The following ZNF366 variants were observed in gnomAD, a reference collection of about 807,000 sequenced individuals.
The protein encoded by ZNF366 is zinc finger protein 366, also known as dendritic cell-specific transcript protein.
A neutral mutation model predicts 47.2 loss-of-function variants in ZNF366; 20 were observed. The observed-to-expected ratio is 0.42, with a 90% CI of 0.30 to 0.62. The LOEUF (loss-of-function observed/expected upper bound fraction) is 0.62. ZNF366 is among the 20% of genes least tolerant of loss of function. The pLI is 0.16. For synonymous variants in ZNF366, 421 were observed against 395.1 expected, an observed-to-expected ratio of 1.07 and a Z score of -0.78; for missense variants, 987 against 976.3, an observed-to-expected ratio of 1.01 and a Z score of -0.15.
intron 1 of ZNF366, 112 bp downstream of exon 1, chr5:72,507,139 C>G: frequency 8.7e-6 from 7 of 803,148 alleles, no homozygotes; most frequent in Non-Finnish European, 1.1e-5. Context: ...ATCACTTATA[C>G]CCTTTGGTTA....
chr5:72,461,098 G>A lies in ZNF366; in HGVS notation c.399C>T (p.Asn133=), dbSNP rs1169835715. ...KYDSQMIDLC[N]VGFQFYRSLE... is the part of the protein sequence containing the mutation. ...GGCTGCGGTAGAATTGGAAGCCCACGTTGCACAGGTCGATCATCTGAGAGT... is the reference window on the plus strand; with the variant it reads ...GGCTGCGGTAGAATTGGAAGCCCACATTGCACAGGTCGATCATCTGAGAGT... The change falls in exon 2 of 5, where the codon AAC becomes AAT. Residue 133 remains asparagine, a synonymous_variant. Transcript: ENST00000318442. 1.9e-6 allele frequency: 3 copies of A among 1,614,168 alleles called. No homozygotes were observed. Among genetic ancestry groups the A allele is most frequent in the East Asian group, 2.2e-5 (1 of 44,872 alleles).
In ZNF366 at chr5:72,442,514, T is replaced by A. The variant is rs903497605; in HGVS notation, c.*1242A>T. The A allele has an allele frequency of 6.6e-6, 1 of 152,122 alleles. No individual in the cohort carries two copies. 9.4% of individuals were successfully genotyped at this position (152,122 alleles called of 1,614,324 possible). ...AGTCCAGAGTCTTCTTTACTAATGATTTGCTGTCAACTATTCTAGTACCCC... is the reference window on the plus strand; with the variant it reads ...AGTCCAGAGTCTTCTTTACTAATGAATTGCTGTCAACTATTCTAGTACCCC... On this transcript the variant is annotated 3_prime_UTR_variant, in exon 5 of 5. Coordinates refer to ENST00000318442, the MANE Select transcript of ZNF366 (RefSeq NM_152625.3).
intron 3 of ZNF366, among the ~76,000 whole-genome samples, chr5:72,448,927 T>C (rs1743009267): frequency 1.3e-5 from 2 of 152,156 alleles, no homozygotes; most frequent in South Asian, 4.1e-4. Flanking sequence ...GTAAGTACTT[T>C]CCTCACTTTT....
chr5:72,448,356 C>T (rs1276248570), intron 3 of ZNF366, among the ~76,000 whole-genome samples: 1 of 152,194 alleles, frequency 6.6e-6, no homozygotes. Flanking sequence ...GGTTCTCCAA[C>T]TGCTTTTGGA....
intron 1 of ZNF366, among the ~76,000 whole-genome samples, chr5:72,501,163 T>G (rs1744203570): frequency 6.6e-6 from 1 of 152,150 alleles, no homozygotes; most frequent in South Asian, 2.1e-4. Context: ...TAGTAATGAC[T>G]CCTCCATAAT....
At chr5:72,456,339 C>A in intron 3 of ZNF366, 65 bp downstream of exon 3, 1 of 1,528,454 alleles carries the variant, frequency 6.5e-7, no homozygotes, top group Non-Finnish European at 8.9e-7. Flanking sequence ...AGAAGGCTCC[C>A]TGGGGACCCT....
intron 3 of ZNF366, among the ~76,000 whole-genome samples, chr5:72,448,369 A>G (rs1345655306): frequency 6.6e-6 from 1 of 152,208 alleles, no homozygotes; most frequent in Non-Finnish European, 1.5e-5. Flanking sequence ...CTTTTGGAAG[A>G]GGAGCAGAAC....
At chr5:72,484,105 T>C (rs147075074) in intron 1 of ZNF366, among the ~76,000 whole-genome samples, 314 of 152,350 alleles carry the variant, frequency 2.1e-3, no homozygotes, top group African/African-American at 7.3e-3. Flanking sequence ...TTATTTCATC[T>C]ATAAATATTT....
rs868490359 is a variant in ZNF366, at chr5:72,460,446, C to T, written c.1051G>A (p.Glu351Lys). Residue 351 changes from glutamate to lysine, a missense_variant, in exon 2 of 5, where the codon GAG becomes AAG. Coordinates refer to ENST00000318442, the MANE Select transcript of ZNF366 (RefSeq NM_152625.3). ...VCGRGFAYPS[E>K]LKAHEAKHAS... Reference sequence around the variant, plus strand: ...TGCTTGGCTTCGTGGGCCTTGAGCTCGCTGGGGTAGGCAAAGCCGCGGCCG... The same window carrying T: ...TGCTTGGCTTCGTGGGCCTTGAGCTTGCTGGGGTAGGCAAAGCCGCGGCCG... 6.2e-7 allele frequency: 1 copy of T among 1,614,106 alleles called. No homozygotes were observed. The highest frequency in any genetic ancestry group is 8.5e-7 in the Non-Finnish European group (1 of 1,180,004).
intron 1 of ZNF366, among the ~76,000 whole-genome samples, chr5:72,463,992 T>C (rs1743384625): frequency 6.6e-6 from 1 of 152,216 alleles, no homozygotes; most frequent in African/African-American, 2.4e-5. Context: ...AAATTTCTTT[T>C]AGTAGAAAGG....
At chr5:72,451,833 C>A (rs1227608436) in intron 3 of ZNF366, among the ~76,000 whole-genome samples, 1 of 152,240 alleles carries the variant, frequency 6.6e-6, no homozygotes, top group Non-Finnish European at 1.5e-5. Flanking sequence ...TTGGCTCCCC[C>A]ATCCTTAGTC....
In ZNF366 at chr5:72,443,818, C is replaced by T. The variant is rs771844515; in HGVS notation, c.2173G>A (p.Glu725Lys). 1.2e-6 allele frequency: 2 copies of T among 1,614,216 alleles called. No individual in the cohort carries two copies. The highest frequency in any genetic ancestry group is 2.2e-5 in the East Asian group (1 of 44,890). The part of the protein sequence containing the change: ...SDYLYFKHRD[E>K]SLKELLERKM... Reference sequence around the variant, plus strand: ...CTCTCCAGTAATTCTTTCAAACTCTCATCTCTGTGCTTGAAGTATAAGTAA... The same window carrying T: ...CTCTCCAGTAATTCTTTCAAACTCTTATCTCTGTGCTTGAAGTATAAGTAA... Residue 725 changes from glutamate (E) to lysine (K), a missense_variant, in exon 5 of 5, where the codon GAG (glutamate) becomes AAG (lysine). Glu to Lys is a moderately conservative substitution (Grantham distance 56). Coordinates refer to ENST00000318442, the MANE Select transcript of ZNF366 (RefSeq NM_152625.3).
chr5:72,472,294 A>G (rs114979810), intron 1 of ZNF366, among the ~76,000 whole-genome samples: 253 of 152,372 alleles, frequency 1.7e-3, no homozygotes, highest in African/African-American at 5.8e-3. Flanking sequence ...ATGAGAGAAC[A>G]AAAAGCAGAA....
At chr5:72,483,502 C>G (rs1039432198) in intron 1 of ZNF366, among the ~76,000 whole-genome samples, 1 of 152,146 alleles carries the variant, frequency 6.6e-6, no homozygotes, top group African/African-American at 2.4e-5. Context: ...TGGCATGTAG[C>G]TTCCACAATA....
intron 1 of ZNF366, among the ~76,000 whole-genome samples, chr5:72,482,309 A>G (rs575169940): frequency 6.7e-4 from 102 of 152,374 alleles, no homozygotes; most frequent in African/African-American, 2.4e-3. Flanking sequence ...ATCTGTGCTT[A>G]GGATAAACTT....
intron 3 of ZNF366, among the ~76,000 whole-genome samples, chr5:72,449,041 C>G (rs924936907): frequency 6.6e-6 from 1 of 152,080 alleles, no homozygotes; most frequent in African/African-American, 2.4e-5. Flanking sequence ...AAATGGTGAC[C>G]TAAGAGGGGA....
chr5:72,461,444 G>T lies in ZNF366; in HGVS notation c.53C>A (p.Ala18Asp), dbSNP rs773573338. The stretch of plus-strand genomic sequence containing the variant: ...GGGAAAGGAGGGGGTCTTCTTCACA[G>T]CCAAGTCGAAATGCACATCCTCGTC... Reference protein sequence around the residue: ...IKDEDVHFDLAVKKTPSFPHC... With the variant: ...IKDEDVHFDLDVKKTPSFPHC... The change falls in exon 2 of 5, where the codon GCT becomes GAT. Residue 18 changes from alanine (A) to aspartate (D), a missense_variant. Transcript: ENST00000318442. 13 of 1,599,332 alleles carry T rather than the reference G, an allele frequency of 8.1e-6. No homozygotes were observed. In the South Asian group the frequency reaches 1.4e-4, roughly 18 times the overall value.
rs117328690 is a variant in ZNF366 at position 72,503,357 on chromosome 5, T to A, written c.-15+3894A>T. ...TAGGAATTCCATTTAAAAGCATGGC[T>A]CTTAAAACGAGCATTTACAGTTAAT... On this transcript the variant is annotated intron_variant, in intron 1 of 4. Coordinates refer to ENST00000318442, the MANE Select transcript of ZNF366 (RefSeq NM_152625.3). Among the ~76,000 whole-genome samples, 209 of 152,182 alleles carry A rather than the reference T, an allele frequency of 1.4e-3. 3 individuals carry two copies. In the East Asian group the frequency reaches 0.036, roughly 26 times the overall value.
At chr5:72,463,321 A>G (rs896226561) in intron 1 of ZNF366, among the ~76,000 whole-genome samples, 3 of 152,242 alleles carry the variant, frequency 2.0e-5, no homozygotes, top group Admixed American at 2.0e-4. Flanking sequence ...TATACAGACA[A>G]TCCAATGAGG....
Sources: allele counts gnomAD v4.1 joint callset (sites outside exome capture counted in the v4.1 genomes callset), GRCh38; gene constraint gnomAD v4.1.1; transcripts MANE v1.5; gene names NCBI Gene and HGNC (gene_info 2026-07-23, HGNC 2026-07-21).